KCNMA1: variants seen among roughly 807,000 people sequenced by gnomAD.
KCNMA1 encodes potassium calcium-activated channel subfamily M alpha 1.
Under a neutral mutation model 140.0 loss-of-function variants are expected in KCNMA1, and 29 were observed. That is an observed-to-expected ratio of 0.21 (90% CI 0.15 to 0.28). The LOEUF is 0.28. Among genes scored for constraint, KCNMA1 ranks in the 10% least tolerant of loss-of-function variants. The pLI is 1.00. For missense variants in KCNMA1, 880 were observed against 1,602.2 expected (o/e 0.55, Z 7.70); for synonymous variants, 612 against 611.9 (o/e 1.00, Z 0.00).
At chr10:77,029,273 G>T (rs558509562) in intron 15 of KCNMA1, among the ~76,000 whole-genome samples, 3 of 152,306 alleles carry the variant, frequency 2.0e-5, no homozygotes, top group African/African-American at 7.2e-5. Context: ...TGAACAATGA[G>T]TTGATGCTTA....
chr10:77,130,483 A>C (rs1466720711), intron 5 of KCNMA1, among the ~76,000 whole-genome samples: 1 of 152,178 alleles, frequency 6.6e-6, no homozygotes, highest in African/African-American at 2.4e-5. Flanking sequence ...TCCATGGTTA[A>C]ATTGAGAAGC....
Position 77,637,328 on chromosome 10 carries a change from G to T in KCNMA1, c.315C>A (p.Ile105=). ...GGTACTTGAGCGTCCGCCAGAGCAA[G>T]ATGATGAAGAGGCCCCCGAAGAAAG... is the stretch of plus-strand genomic sequence containing the variant. ...MVTFFGGLFI[I]LLWRTLKYLW... is the part of the protein sequence containing the mutation. Residue 105 remains isoleucine, a synonymous_variant, in exon 1 of 28, where the codon ATC becomes ATA. Coordinates refer to ENST00000286628, the MANE Select transcript of KCNMA1 (RefSeq NM_001161352.2). 6.2e-7 allele frequency: 1 copy of T among 1,613,954 alleles called. No individual in the cohort carries two copies. The highest frequency in any genetic ancestry group is 8.5e-7 in the Non-Finnish European group (1 of 1,179,946).
intron 2 of KCNMA1, among the ~76,000 whole-genome samples, chr10:77,400,845 C>T (rs990522649): frequency 6.6e-6 from 1 of 152,066 alleles, no homozygotes; most frequent in African/African-American, 2.4e-5. Context: ...AGGCGTTCAA[C>T]AGTGTGATTG....
chr10:77,517,923 C>A lies in KCNMA1; in HGVS notation c.379-113900G>T, dbSNP rs553623043. Among the ~76,000 whole-genome samples the A allele has an allele frequency of 3.4e-4, 52 of 152,234 alleles. No homozygotes were observed. The South Asian group carries it at 3.9e-3, about 12-fold the overall frequency. On this transcript the variant is annotated intron_variant, in intron 1 of 27. Coordinates refer to ENST00000286628, the MANE Select transcript of KCNMA1 (RefSeq NM_001161352.2). ...TGTTAAGACAAATATAAGATGGTGA[C>A]AAATGCCCCAGAGAAAATAATAAAA...
chr10:77,155,455 G>T (rs1564865778), intron 5 of KCNMA1, among the ~76,000 whole-genome samples: 1 of 152,110 alleles, frequency 6.6e-6, no homozygotes, highest in East Asian at 1.9e-4. Flanking sequence ...TAAACATCTT[G>T]CCGAAGCTCA....
At chr10:76,918,935 CACACACACACACAT>C (rs1476771761) in intron 23 of KCNMA1, among the ~76,000 whole-genome samples, 3 of 150,136 alleles carry the variant, frequency 2.0e-5, no homozygotes, top group African/African-American at 7.3e-5. Context: ...CACACACACA[CACACACACACACAT>C]ATATATGTGA....
intron 12 of KCNMA1, among the ~76,000 whole-genome samples, chr10:77,083,137 G>T (rs916654731): frequency 6.6e-6 from 1 of 152,174 alleles, no homozygotes; most frequent in Admixed American, 6.5e-5. Flanking sequence ...TTAGGTAAAA[G>T]TTCCTGGGAA....
At chr10:77,634,568 G>C in intron 1 of KCNMA1, 1 of 676,174 alleles carries the variant, frequency 1.5e-6, no homozygotes, top group Non-Finnish European at 1.7e-6. Flanking sequence ...CTTTCCTCTG[G>C]ACTCCAGCTC....
chr10:77,477,274 T>G (rs957697565), intron 1 of KCNMA1, among the ~76,000 whole-genome samples: 5 of 152,342 alleles, frequency 3.3e-5, no homozygotes, highest in Middle Eastern at 3.4e-3. Flanking sequence ...TGTTGGCTGA[T>G]AGGAATAAGA....
intron 14 of KCNMA1, among the ~76,000 whole-genome samples, chr10:77,042,677 C>T (rs1277327477): frequency 6.6e-6 from 1 of 152,054 alleles, no homozygotes; most frequent in Non-Finnish European, 1.5e-5. Context: ...TAACAAGGTT[C>T]TTTTAGTTTT....
At chr10:77,309,067 G>A (rs371083705) in intron 2 of KCNMA1, among the ~76,000 whole-genome samples, 5 of 152,184 alleles carry the variant, frequency 3.3e-5, no homozygotes, top group East Asian at 1.9e-4. Context: ...CAGTATTTTC[G>A]CCATCTGGGC....
At chr10:77,008,224 G>A (rs1260463576) in intron 18 of KCNMA1, 1 of 1,529,088 alleles carries the variant, frequency 6.5e-7, no homozygotes, top group Non-Finnish European at 8.7e-7. Context: ...TAGAGTAGGG[G>A]CCGTATTCCA....
rs2071993692 is a variant in KCNMA1 at position 77,572,596 on chromosome 10, ATATATAT to A, written c.378+64662_378+64668del. ...TATATATATATATATATATATATATATATATATAAATTAGCTGGGCATGGTGGCATGT... is the reference window on the plus strand; with the variant it reads ...TATATATATATATATATATATATATAAAATTAGCTGGGCATGGTGGCATGT... On this transcript the variant is annotated intron_variant, in intron 1 of 27. Transcript: ENST00000286628. Among the ~76,000 whole-genome samples the A allele has an allele frequency of 7.5e-5, 8 of 106,128 alleles. No homozygotes were observed. In the South Asian group the frequency reaches 1.2e-3, roughly 16 times the overall value. The allele number at this position is 106,128 out of a possible 152,430, so 69.6% of individuals were successfully genotyped here.
chr10:77,420,500 C>T (rs2096843796), intron 1 of KCNMA1, among the ~76,000 whole-genome samples: 1 of 152,334 alleles, frequency 6.6e-6, no homozygotes, highest in East Asian at 1.9e-4. Context: ...GTATCAGTCC[C>T]CTCAGATATC....
chr10:76,977,925 C>T (rs2078176643), intron 19 of KCNMA1: 1 of 407,674 alleles, frequency 2.5e-6, no homozygotes. Flanking sequence ...TGCTGCCAGT[C>T]CACCCTGCGA....
At chr10:77,324,122 A>T (rs2083173371) in intron 2 of KCNMA1, among the ~76,000 whole-genome samples, 1 of 152,184 alleles carries the variant, frequency 6.6e-6, no homozygotes, top group African/African-American at 2.4e-5. Context: ...GCTTCATTGC[A>T]AGCCACTGTG....
At chr10:77,488,761 T>A (rs1350471153) in intron 1 of KCNMA1, among the ~76,000 whole-genome samples, 5 of 152,054 alleles carry the variant, frequency 3.3e-5, no homozygotes, top group African/African-American at 4.8e-5. Flanking sequence ...CCATGTTCTC[T>A]GGAAACCAGT....
intron 25 of KCNMA1, chr10:76,905,139 T>G (rs550511203): frequency 6.6e-6 from 1 of 152,366 alleles, no homozygotes; most frequent in South Asian, 2.1e-4. Context: ...AATGCAGAAG[T>G]TGTCTGTGGG....
chr10:77,378,683 T>G (rs2095271379), intron 2 of KCNMA1, among the ~76,000 whole-genome samples: 1 of 152,202 alleles, frequency 6.6e-6, no homozygotes, highest in Non-Finnish European at 1.5e-5. Context: ...CTCATTACTT[T>G]CAGGGTATTT....
Sources: gnomAD v4.1 joint callset for allele counts (sites outside exome capture counted in the v4.1 genomes callset) on GRCh38, gnomAD v4.1.1 for gene constraint, MANE v1.5 for transcripts, NCBI Gene and HGNC (gene_info 2026-07-23, HGNC 2026-07-21) for gene names.